KMO: variants seen among roughly 807,000 people sequenced by gnomAD.
KMO encodes the protein kynurenine 3-hydroxylase.
Under a neutral mutation model 57.8 loss-of-function variants are expected in KMO, and 24 were observed. The ratio of observed to expected loss-of-function variants is 0.42; its 90% CI spans 0.30 to 0.58. The LOEUF (loss-of-function observed/expected upper bound fraction) is 0.58. Ranked by LOEUF, KMO falls within the 20% of genes least tolerant of loss-of-function variation. The pLI is 0.22. For missense variants in KMO, 483 were observed against 588.2 expected (o/e 0.82, Z 1.85); for synonymous variants, 210 against 193.6 (o/e 1.08, Z -0.70).
At chr1:241,572,299 C>G (rs564918487) in intron 10 of KMO, among the ~76,000 whole-genome samples, 8 of 152,152 alleles carry the variant, frequency 5.3e-5, no homozygotes, top group African/African-American at 1.9e-4. Context: ...CTTTATGATT[C>G]AATCTTGGTA....
At chr1:241,537,048 C>T (rs1660777698) in intron 1 of KMO, among the ~76,000 whole-genome samples, 2 of 152,154 alleles carry the variant, frequency 1.3e-5, no homozygotes, top group African/African-American at 4.8e-5. Flanking sequence ...TTACTCTTCA[C>T]TCAGCTTCAT....
chr1:241,589,256 TA>T (rs76516540), intron 12 of KMO, among the ~76,000 whole-genome samples: 27,811 of 150,402 alleles, frequency 0.18, 2,648 homozygotes, highest in Middle Eastern at 0.27. Context: ...ACTTATGCAC[TA>T]AAAAAAAATG....
chr1:241,551,249 G>A (rs930065194), intron 4 of KMO, among the ~76,000 whole-genome samples: 1 of 152,160 alleles, frequency 6.6e-6, no homozygotes, highest in African/African-American at 2.4e-5. Flanking sequence ...AAACATTCAG[G>A]AAGAATTAGC....
intron 11 of KMO, among the ~76,000 whole-genome samples, chr1:241,587,355 A>G (rs1442123829): frequency 2.0e-5 from 3 of 152,196 alleles, no homozygotes; most frequent in Non-Finnish European, 4.4e-5. Flanking sequence ...TGTGCGGCCC[A>G]GTTCCTAACA....
At chr1:241,549,274 G>GAAGA (rs1661300629) in intron 2 of KMO, among the ~76,000 whole-genome samples, 1 of 44,322 alleles carries the variant, frequency 2.3e-5, no homozygotes, top group Admixed American at 1.8e-4. Context: ...AGAAAGGAAG[G>GAAGA]AAGAAAGAAA....
chr1:241,590,097 T>TC lies in KMO; in HGVS notation c.1187dup (p.Leu397SerfsTer14). 6.2e-7 allele frequency: 1 copy of TC among 1,613,264 alleles called. No homozygotes were observed. The highest frequency in any genetic ancestry group is 8.5e-7 in the Non-Finnish European group (1 of 1,179,214). On this transcript the variant is annotated frameshift_variant, in exon 13 of 15. Coordinates refer to ENST00000366559, the MANE Select transcript of KMO (RefSeq NM_003679.5). LOFTEE classifies it high-confidence loss of function. ...CATGCGATTATGCCATCGACCTTTA[T>TC]CCCTCTCTATACAATGGTAAGGTCT...
chr1:241,592,557 C>T lies in KMO; in HGVS notation c.*404C>T. 1 of 178,138 alleles carries T rather than the reference C, an allele frequency of 5.6e-6. No individual in the cohort carries two copies. Among genetic ancestry groups the T allele is most frequent in the Non-Finnish European group, 1.2e-5 (1 of 85,202 alleles). 11.0% of individuals were successfully genotyped at this position (178,138 alleles called of 1,614,324 possible). A position where few individuals can be genotyped will look rare whatever the true frequency, so the allele number is the denominator to read the frequency against. On this transcript the variant is annotated 3_prime_UTR_variant, in exon 15 of 15. Transcript: ENST00000366559. Reference sequence around the variant, plus strand: ...CACAACTTAACTAGCATGTTAACTGCACTTTTCATTACGTGAATGGAACTT... The same window carrying T: ...CACAACTTAACTAGCATGTTAACTGTACTTTTCATTACGTGAATGGAACTT...
At chr1:241,585,470 T>C (rs894049069) in intron 10 of KMO, among the ~76,000 whole-genome samples, 2 of 151,514 alleles carry the variant, frequency 1.3e-5, no homozygotes, top group African/African-American at 2.4e-5. Flanking sequence ...TTAAAAAATA[T>C]CTTAAGGCCG....
At chr1:241,536,428 A>C in intron 1 of KMO, 1 of 778,784 alleles carries the variant, frequency 1.3e-6, no homozygotes, top group Non-Finnish European at 1.6e-6. Flanking sequence ...AGTCCTTAAG[A>C]CTCAGAAAAT....
At chr1:241,564,877 G>A (rs1662016359) in intron 7 of KMO, 110 bp from the exon 8 acceptor site, 7 of 675,196 alleles carry the variant, frequency 1.0e-5, no homozygotes, top group South Asian at 5.3e-5. Flanking sequence ...GCGTATCATC[G>A]TGTAGATGCT....
At position 241,593,428 on chromosome 1, in the gene KMO, A is replaced by C. The variant is rs1481134706; in HGVS notation, c.*1275A>C. On this transcript the variant is annotated 3_prime_UTR_variant, in exon 15 of 15. Coordinates refer to ENST00000366559, the MANE Select transcript of KMO (RefSeq NM_003679.5). Reference sequence around the variant, plus strand: ...TATGAAGATGAAACACTAGAGTCATATAAGAAATAAAAATTGGGCAATAAA... The same window carrying C: ...TATGAAGATGAAACACTAGAGTCATCTAAGAAATAAAAATTGGGCAATAAA... The C allele has an allele frequency of 2.6e-6, 1 of 380,212 alleles. No individual in the cohort carries two copies. The highest frequency in any genetic ancestry group is 7.5e-5 in the East Asian group (1 of 13,362). The allele number at this position is 380,212 out of a possible 1,614,324, so 23.6% of individuals were successfully genotyped here. A position where few individuals can be genotyped will look rare whatever the true frequency, so the allele number is the denominator to read the frequency against.
chr1:241,572,432 A>G (rs546580374), intron 10 of KMO, among the ~76,000 whole-genome samples: 2 of 151,394 alleles, frequency 1.3e-5, no homozygotes, highest in Non-Finnish European at 2.9e-5. Context: ...CTCCATTTTG[A>G]CCTCTGATTT....
At chr1:241,540,042 T>C (rs1198621529) in intron 1 of KMO, among the ~76,000 whole-genome samples, 2 of 152,220 alleles carry the variant, frequency 1.3e-5, no homozygotes, top group African/African-American at 4.8e-5. Context: ...GTATTTAGAG[T>C]ACACTTTTCA....
At chr1:241,539,135 C>A (rs113222269) in intron 1 of KMO, among the ~76,000 whole-genome samples, 1 of 152,110 alleles carries the variant, frequency 6.6e-6, no homozygotes, top group Non-Finnish European at 1.5e-5. Flanking sequence ...GTAATCCTAG[C>A]ACTTTGGGAG....
chr1:241,532,551 T>C, intron 1 of KMO, 53 bp downstream of exon 1: 3 of 1,296,770 alleles, frequency 2.3e-6, no homozygotes, highest in Non-Finnish European at 3.2e-6. Flanking sequence ...TTAACTATTA[T>C]TACTCGTAAT....
rs532272023 is a variant in KMO at position 241,566,931 on chromosome 1, A to G, written c.809+319A>G. On this transcript the variant is annotated intron_variant, in intron 9 of 14. Coordinates refer to ENST00000366559, the MANE Select transcript of KMO (RefSeq NM_003679.5). Reference sequence around the variant, plus strand: ...TGGCTGAACTTTTTTCTACTGGTAGATACACAAATCTTTGGCACAGCAGAT... The same window carrying G: ...TGGCTGAACTTTTTTCTACTGGTAGGTACACAAATCTTTGGCACAGCAGAT... Among the ~76,000 whole-genome samples, 13 of 152,310 alleles carry G rather than the reference A, an allele frequency of 8.5e-5. No homozygotes were observed. The South Asian group carries it at 2.7e-3, about 32-fold the overall frequency.
chr1:241,568,417 G>A (rs1662159157), intron 9 of KMO, 83 bp from the exon 10 acceptor site: 1 of 1,366,134 alleles, frequency 7.3e-7, no homozygotes, highest in African/African-American at 1.5e-5. Context: ...CTTCGTGATA[G>A]TTAATTTAGT....
At chr1:241,544,600 T>C (rs540827960) in intron 1 of KMO, among the ~76,000 whole-genome samples, 11 of 152,332 alleles carry the variant, frequency 7.2e-5, no homozygotes, top group African/African-American at 2.6e-4. Flanking sequence ...GATATCATCA[T>C]GACCATCTTT....
intron 7 of KMO, 147 bp downstream of exon 7, chr1:241,562,479 G>C: frequency 1.4e-6 from 1 of 735,856 alleles, no homozygotes; most frequent in Middle Eastern, 3.0e-4. Flanking sequence ...TAAATGGGAT[G>C]CATGGGTATC....
Sources: gnomAD v4.1 joint callset for allele counts (sites outside exome capture counted in the v4.1 genomes callset) on GRCh38, gnomAD v4.1.1 for gene constraint, MANE v1.5 for transcripts, NCBI Gene and HGNC (gene_info 2026-07-23, HGNC 2026-07-21) for gene names.